Variants in CLEC2A observed in about 807,000 individuals in gnomAD.
The protein encoded by CLEC2A is C-type lectin domain family 2 member A, also known as keratinocyte-associated C-type lectin.
CLEC2A carries 19 observed loss-of-function variants against 18.6 expected under a neutral mutation model. The observed-to-expected ratio is 1.02, with a 90% CI of 0.71 to 1.50. The LOEUF is 1.50. CLEC2A is among the 40% of genes most tolerant of loss of function. The probability of loss-of-function intolerance (pLI) is 0.00; values close to 1 mark genes in which losing one functional copy is unlikely to be tolerated. For synonymous variants in CLEC2A, 74 were observed against 64.0 expected (o/e 1.16, Z -0.75); for missense variants, 190 against 207.9 (o/e 0.91, Z 0.53).
chr12:9,931,007 A>G (rs1863366968), intron 1 of CLEC2A, among the ~76,000 whole-genome samples: 1 of 152,070 alleles, frequency 6.6e-6, no homozygotes, highest in Non-Finnish European at 1.5e-5. Flanking sequence ...TCATTTCATT[A>G]ATATCTTTTC....
Position 9,913,433 on chromosome 12 carries a change from T to C in CLEC2A, c.*133A>G. Reference sequence around the variant, plus strand: ...GGCAGGGCACAGCAAGAAGTTTCCATCTATAAACTAGAAAATGGGCCCTCA... The same window carrying C: ...GGCAGGGCACAGCAAGAAGTTTCCACCTATAAACTAGAAAATGGGCCCTCA... On this transcript the variant is annotated 3_prime_UTR_variant, in exon 5 of 5. Transcript: ENST00000455827. 2 of 1,403,710 alleles carry C rather than the reference T, an allele frequency of 1.4e-6. No individual in the cohort carries two copies. Among genetic ancestry groups the C allele is most frequent in the Non-Finnish European group, 1.9e-6 (2 of 1,078,304 alleles). The allele number at this position is 1,403,710 out of a possible 1,614,324, so 87.0% of individuals were successfully genotyped here.
At chr12:9,888,713 T>C in the CLEC2A span, 1 of 1,405,342 alleles carries the variant, frequency 7.1e-7, no homozygotes, top group Non-Finnish European at 9.7e-7. Flanking sequence ...TCTCATATCT[T>C]TTCTTTGCAC....
chr12:9,923,856 C>T (rs997800564), intron 2 of CLEC2A, among the ~76,000 whole-genome samples: 5 of 152,002 alleles, frequency 3.3e-5, no homozygotes, highest in African/African-American at 1.2e-4. Context: ...CATGTTCTCA[C>T]TCATAGGTGG....
At chr12:9,893,364 C>A in the CLEC2A span, 1 of 855,204 alleles carries the variant, frequency 1.2e-6, no homozygotes, top group Non-Finnish European at 1.8e-6. Flanking sequence ...CAGAGACTTA[C>A]ACTATAGAAG....
chr12:9,922,029 AT>A (rs775367786), intron 3 of CLEC2A, 36 bp downstream of exon 3: 6 of 1,457,142 alleles, frequency 4.1e-6, no homozygotes, highest in Non-Finnish European at 5.5e-6. Flanking sequence ...TATACAAACA[AT>A]CTCTGAAATT....
intron 1 of CLEC2A, among the ~76,000 whole-genome samples, chr12:9,931,443 CAGAG>C (rs59789402): frequency 1.3e-5 from 2 of 152,218 alleles, no homozygotes; most frequent in African/African-American, 4.8e-5. Flanking sequence ...TCTTCTAAGA[CAGAG>C]AGATATTATC....
At chr12:9,909,014 G>C (rs530579301), downstream of CLEC2A, among the ~76,000 whole-genome samples, 10 of 152,290 alleles carry the variant, frequency 6.6e-5, no homozygotes, top group African/African-American at 2.4e-4. Flanking sequence ...TTCACTTAGA[G>C]GATGATCTTT....
intron 2 of CLEC2A, among the ~76,000 whole-genome samples, chr12:9,924,897 G>A (rs556027669): frequency 6.6e-6 from 1 of 152,250 alleles, no homozygotes; most frequent in South Asian, 2.1e-4. Context: ...AAATACCTTT[G>A]TGAAAGATAT....
rs143543110 is a variant in CLEC2A at position 9,920,671 on chromosome 12, G to A, written c.306+1395C>T. Among the ~76,000 whole-genome samples, 165 of 152,180 alleles carry A rather than the reference G, an allele frequency of 1.1e-3. 1 individual carries two copies. Among genetic ancestry groups the A allele is most frequent in the Middle Eastern group, 3.4e-3 (1 of 294 alleles). ...TTCAGTTCCTCTCTTTGAGAGCTGC[G>A]CACTCCAGCTACTTCTAGTCGGCCA... is the stretch of plus-strand genomic sequence containing the variant. On this transcript the variant is annotated intron_variant, in intron 3 of 4. Coordinates refer to ENST00000455827, the MANE Select transcript of CLEC2A (RefSeq NM_001130711.2).
At chr12:9,893,708 CCTTTT>C (rs1314681155), downstream of CLEC2A, among the ~76,000 whole-genome samples, 1 of 45,970 alleles carries the variant, frequency 2.2e-5, no homozygotes, top group Non-Finnish European at 8.4e-5. Context: ...TTCCTCCCTC[CCTTTT>C]TTTTCTTTGC....
chr12:9,916,942 G>A, intron 3 of CLEC2A, 139 bp from the exon 4 acceptor site: 3 of 571,990 alleles, frequency 5.2e-6, no homozygotes, highest in Non-Finnish European at 6.2e-6. Flanking sequence ...ACAACAAACA[G>A]CACAGATGTT....
the CLEC2A span, among the ~76,000 whole-genome samples, chr12:9,881,984 T>C: frequency 6.6e-6 from 1 of 152,042 alleles, no homozygotes; most frequent in Non-Finnish European, 1.5e-5. Flanking sequence ...TTAAAGTTTA[T>C]ATAAACTTAA....
intron 1 of CLEC2A, among the ~76,000 whole-genome samples, chr12:9,927,379 T>C (rs1260392555): frequency 1.3e-5 from 2 of 152,218 alleles, no homozygotes; most frequent in African/African-American, 2.4e-5. Context: ...GGGACCATTG[T>C]TGTTATGCAA....
At chr12:9,891,671 A>T in the CLEC2A span, among the ~76,000 whole-genome samples, 1 of 151,934 alleles carries the variant, frequency 6.6e-6, no homozygotes, top group Non-Finnish European at 1.5e-5. Flanking sequence ...AATCTTTTCA[A>T]TTTTTTTTAA....
At chr12:9,903,254 G>C (rs1352546111) in intron 4 of CLEC2A, among the ~76,000 whole-genome samples, 1 of 151,890 alleles carries the variant, frequency 6.6e-6, no homozygotes, top group Non-Finnish European at 1.5e-5. Flanking sequence ...TGATCACCTA[G>C]GAATAAGAAT....
At chr12:9,917,238 T>C (rs1863087554) in intron 3 of CLEC2A, among the ~76,000 whole-genome samples, 1 of 152,164 alleles carries the variant, frequency 6.6e-6, no homozygotes, top group African/African-American at 2.4e-5. Flanking sequence ...TTATTTTAGG[T>C]TCTGTGATAT....
At chr12:9,913,003 G>T (rs1177491514), downstream of CLEC2A, among the ~76,000 whole-genome samples, 2 of 152,210 alleles carry the variant, frequency 1.3e-5, no homozygotes, top group Admixed American at 6.5e-5. Context: ...CAACAAGGCA[G>T]CTTTGATACA....
At chr12:9,904,021 T>C (rs1399758144) in intron 4 of CLEC2A, among the ~76,000 whole-genome samples, 1 of 152,212 alleles carries the variant, frequency 6.6e-6, no homozygotes, top group Non-Finnish European at 1.5e-5. Flanking sequence ...TGTTCAGCAA[T>C]GGTCCGTCAC....
chr12:9,909,422 C>G (rs1226310720), downstream of CLEC2A, among the ~76,000 whole-genome samples: 1 of 152,202 alleles, frequency 6.6e-6, no homozygotes, highest in Non-Finnish European at 1.5e-5. Flanking sequence ...ATGCCCCTTT[C>G]TCTCCCTGAA....
Sources: allele counts gnomAD v4.1 joint callset (sites outside exome capture counted in the v4.1 genomes callset), GRCh38; gene constraint gnomAD v4.1.1; transcripts MANE v1.5; gene names NCBI Gene and HGNC (gene_info 2026-07-23, HGNC 2026-07-21).